ATP5PB: variants seen among roughly 807,000 people sequenced by gnomAD.
ATP5PB encodes ATP synthase peripheral stalk subunit b, mitochondrial.
A neutral mutation model predicts 34.5 loss-of-function variants in ATP5PB; 21 were observed. That is an observed-to-expected ratio of 0.61 (90% CI 0.43 to 0.88). ATP5PB has a LOEUF of 0.88. ATP5PB is among the 40% of genes least tolerant of loss of function. The pLI is 0.00. For missense variants in ATP5PB, 293 were observed against 317.4 expected, an observed-to-expected ratio of 0.92 and a Z score of 0.58; for synonymous variants, 108 against 114.1, an observed-to-expected ratio of 0.95 and a Z score of 0.34.
Position 111,461,796 on chromosome 1 carries a change from G to A in ATP5PB, c.*802G>A, listed in dbSNP as rs1653628933. On this transcript the variant is annotated 3_prime_UTR_variant, in exon 7 of 7. Transcript: ENST00000369722. ...GGCGCCTGTAATCCCAGCTACTCAG[G>A]AGGCTGAGGCAGGAGAATTGCTTGA... 1 of 152,130 alleles carries A rather than the reference G, an allele frequency of 6.6e-6. No homozygotes were observed. Among genetic ancestry groups the A allele is most frequent in the African/African-American group, 2.4e-5 (1 of 41,380 alleles). 9.4% of individuals were successfully genotyped at this position (152,130 alleles called of 1,614,324 possible).
rs1282578790 is a variant in ATP5PB at position 111,449,588 on chromosome 1, G to A, written c.40+7G>A. 1.2e-6 allele frequency: 2 copies of A among 1,602,050 alleles called. No homozygotes were observed. The highest frequency in any genetic ancestry group is 2.2e-5 in the East Asian group (1 of 44,738). ...TCCGCCGCCGCCACAGCGGGTAAGG[G>A]GTATAGACCCTGCTCTGGACTATCA... is the stretch of plus-strand genomic sequence containing the variant. On this transcript the variant is annotated splice_region_variant and intron_variant, in intron 1 of 6. Coordinates refer to ENST00000369722, the MANE Select transcript of ATP5PB (RefSeq NM_001688.5).
intron 6 of ATP5PB, 30 bp downstream of exon 6, chr1:111,459,666 TGTACTG>T: frequency 6.2e-7 from 1 of 1,603,886 alleles, no homozygotes; most frequent in Non-Finnish European, 8.5e-7. Flanking sequence ...GTTCTGATGT[TGTACTG>T]GTATCTCTTA....
intron 2 of ATP5PB, among the ~76,000 whole-genome samples, chr1:111,450,523 T>C (rs980870506): frequency 6.6e-6 from 1 of 152,202 alleles, no homozygotes; most frequent in Non-Finnish European, 1.5e-5. Context: ...ATCTATAAAA[T>C]GGCGATAATA....
intron 4 of ATP5PB, 60 bp downstream of exon 4, chr1:111,456,309 T>G: frequency 2.1e-6 from 3 of 1,443,150 alleles, no homozygotes; most frequent in Non-Finnish European, 2.8e-6. Flanking sequence ...GGTCATCTAG[T>G]GATATTTTTG....
At position 111,454,305 on chromosome 1, in the gene ATP5PB, C is replaced by T. The variant is rs745642833; in HGVS notation, c.172C>T (p.Leu58=). ...ATACGGAGGAAAAGTTCGTTATGGA[C>T]TGATCCCTGAGGAATTCTTCCAGTT... ...PEYGGKVRYG[L]IPEEFFQFLY... is the part of the protein sequence containing the mutation. The change falls in exon 3 of 7, where the codon CTG becomes TTG. Residue 58 remains leucine (L), a synonymous_variant. Transcript: ENST00000369722. The T allele has an allele frequency of 1.6e-5, 25 of 1,612,670 alleles. No individual in the cohort carries two copies. The Middle Eastern group carries it at 5.0e-4, about 32-fold the overall frequency.
chr1:111,451,338 G>C (rs561117011), intron 2 of ATP5PB, among the ~76,000 whole-genome samples: 13 of 152,080 alleles, frequency 8.5e-5, no homozygotes, highest in Non-Finnish European at 1.6e-4. Flanking sequence ...CTTTTCCCCA[G>C]ATGATTGGGT....
intron 1 of ATP5PB, 83 bp from the exon 2 acceptor site, chr1:111,449,754 T>A: frequency 6.3e-7 from 1 of 1,597,880 alleles, no homozygotes; most frequent in South Asian, 1.1e-5. Flanking sequence ...TACATAGGCT[T>A]AGTGATAGAG....
rs1653342026 is a variant in ATP5PB at position 111,451,707 on chromosome 1, G to GAA, written c.77+1834_77+1835insAA. ...TTGCTATAAAGTCATGGTATGAAGG[G>GAA]CATACAAGGCAGAAGGAGCAGCATA... is the stretch of plus-strand genomic sequence containing the variant. On this transcript the variant is annotated intron_variant, in intron 2 of 6. Transcript: ENST00000369722. 2.0e-5 allele frequency among the ~76,000 whole-genome samples: 3 copies of GAA among 152,260 alleles called. No homozygotes were observed. The South Asian group carries it at 6.2e-4, about 32-fold the overall frequency.
chr1:111,456,360 T>C, intron 4 of ATP5PB, 111 bp downstream of exon 4: 8 of 1,224,406 alleles, frequency 6.5e-6, no homozygotes, highest in Non-Finnish European at 8.9e-6. Context: ...ATGAATCTAA[T>C]GCTTCAAATA....
In ATP5PB at chr1:111,456,152, C is replaced by T. The variant is rs1251877438; in HGVS notation, c.290C>T (p.Ala97Val). Reference protein sequence around the residue: ...ALSKEIYVISAETFTALSVLG... With the variant: ...ALSKEIYVISVETFTALSVLG... ...TCCAAAGAAATATATGTGATTAGCG[C>T]AGAGACCTTCACTGCCCTATCAGTA... The change falls in exon 4 of 7, where the codon GCA becomes GTA. Residue 97 changes from alanine (A) to valine (V), a missense_variant. Physicochemically the swap from Ala to Val is moderately conservative, Grantham distance 64. Coordinates refer to ENST00000369722, the MANE Select transcript of ATP5PB (RefSeq NM_001688.5). 1.2e-6 allele frequency: 2 copies of T among 1,612,796 alleles called. No individual in the cohort carries two copies. Among genetic ancestry groups the T allele is most frequent in the Non-Finnish European group, 1.7e-6 (2 of 1,179,302 alleles).
chr1:111,450,999 A>T (rs1653310950), intron 2 of ATP5PB, among the ~76,000 whole-genome samples: 1 of 152,326 alleles, frequency 6.6e-6, no homozygotes, highest in East Asian at 1.9e-4. Context: ...CACTACCGCT[A>T]AAGTAGGAAC....
intron 2 of ATP5PB, among the ~76,000 whole-genome samples, chr1:111,450,718 G>C (rs751282509): frequency 2.2e-4 from 34 of 151,918 alleles, no homozygotes; most frequent in African/African-American, 7.5e-4. Flanking sequence ...TGCAAAATAC[G>C]GTAACTCAAA....
At chr1:111,455,154 G>GT (rs147681177) in intron 3 of ATP5PB, among the ~76,000 whole-genome samples, 5,258 of 147,630 alleles carry the variant, frequency 0.036, 264 homozygotes, top group African/African-American at 0.12. Context: ...ACCGAAGATT[G>GT]TTTTTTTTTT....
chr1:111,454,950 A>G (rs1182389421), intron 3 of ATP5PB, among the ~76,000 whole-genome samples: 1 of 152,214 alleles, frequency 6.6e-6, no homozygotes, highest in African/African-American at 2.4e-5. Context: ...CTGTCCTGGA[A>G]CATACATTCT....
Position 111,456,731 on chromosome 1 carries a change from C to T in ATP5PB, c.489C>T (p.Arg163=). 6.2e-7 allele frequency: 1 copy of T among 1,611,044 alleles called. No individual in the cohort carries two copies. Among genetic ancestry groups the T allele is most frequent in the Non-Finnish European group, 8.5e-7 (1 of 1,178,796 alleles). ...CACAACAGGCACTGGTTCAGAAGCG[C>T]CATTACCTTTTTGATGTGCAAAGGG... The part of the protein sequence containing the change: ...EKSQQALVQK[R]HYLFDVQRNN... The change falls in exon 5 of 7, where the codon CGC becomes CGT. Residue 163 remains arginine (R), a synonymous_variant. Coordinates refer to ENST00000369722, the MANE Select transcript of ATP5PB (RefSeq NM_001688.5).
At position 111,456,264 on chromosome 1, in the gene ATP5PB, C is replaced by A. The variant is rs946210849; in HGVS notation, c.387+15C>A. 1.3e-6 allele frequency: 2 copies of A among 1,557,348 alleles called. No individual in the cohort carries two copies. Among genetic ancestry groups the A allele is most frequent in the East Asian group, 4.6e-5 (2 of 43,480 alleles). ...AACTCAATGAGGTAAGAACCATAAA[C>A]TTTATTTCCTATTTTAGACTAGCAG... On this transcript the variant is annotated intron_variant, in intron 4 of 6. Coordinates refer to ENST00000369722, the MANE Select transcript of ATP5PB (RefSeq NM_001688.5).
intron 1 of ATP5PB, 78 bp downstream of exon 1, chr1:111,449,659 A>C: frequency 1.3e-6 from 2 of 1,555,652 alleles, no homozygotes; most frequent in Admixed American, 3.6e-5. Context: ...GGAGGGGAGA[A>C]GGGCGCAGCG....
In ATP5PB at chr1:111,454,363, A is replaced by G. The variant is rs768161527; in HGVS notation, c.223+7A>G. The G allele has an allele frequency of 2.5e-6, 4 of 1,588,516 alleles. No homozygotes were observed. Among genetic ancestry groups the G allele is most frequent in the Admixed American group, 1.9e-5 (1 of 53,742 alleles). ...CCTAAAACTGGTGTAACAGGTGAGC[A>G]TTTTTGCCTAGTCTCTGGTAATATG... On this transcript the variant is annotated splice_region_variant and intron_variant, in intron 3 of 6. Transcript: ENST00000369722.
At position 111,451,653 on chromosome 1, in the gene ATP5PB, T is replaced by G. The variant is rs182414659; in HGVS notation, c.77+1780T>G. 1.2e-3 allele frequency among the ~76,000 whole-genome samples: 179 copies of G among 152,304 alleles called. 1 individual carries two copies. Among genetic ancestry groups the G allele is most frequent in the African/African-American group, 4.0e-3 (168 of 41,564 alleles). ...TCTGGAGGCTAATTGGTCTTGGTAG[T>G]CATTGCTCCTGATTGGTCTTGATAG... On this transcript the variant is annotated intron_variant, in intron 2 of 6. Coordinates refer to ENST00000369722, the MANE Select transcript of ATP5PB (RefSeq NM_001688.5).
Sources: gnomAD v4.1 joint callset for allele counts (sites outside exome capture counted in the v4.1 genomes callset) on GRCh38, gnomAD v4.1.1 for gene constraint, MANE v1.5 for transcripts, NCBI Gene and HGNC (gene_info 2026-07-23, HGNC 2026-07-21) for gene names.